Variants in TDRD9 observed in about 807,000 individuals in gnomAD.
TDRD9 encodes the protein tudor domain containing 9.
A neutral mutation model predicts 172.6 loss-of-function variants in TDRD9; 124 were observed. The ratio of observed to expected loss-of-function variants is 0.72; its 90% CI spans 0.62 to 0.83. TDRD9 has a LOEUF of 0.83. Among genes scored for constraint, TDRD9 ranks in the 40% least tolerant of loss-of-function variants. TDRD9 has a pLI of 0.00. For missense variants in TDRD9, 1,479 were observed against 1,714.1 expected (o/e 0.86, Z 2.42); for synonymous variants, 619 against 617.1 (o/e 1.00, Z -0.05).
chr14:103,938,440 ATT>A (rs71126087), intron 1 of TDRD9, among the ~76,000 whole-genome samples: 24 of 44,540 alleles, frequency 5.4e-4, no homozygotes, highest in African/African-American at 2.0e-3. Flanking sequence ...ATATATATAT[ATT>A]TTTTTTTTTT....
At chr14:103,938,436 A>T (rs377303422) in intron 1 of TDRD9, among the ~76,000 whole-genome samples, 12,195 of 39,622 alleles carry the variant, frequency 0.31, 1,842 homozygotes, top group East Asian at 0.32. Context: ...ATATATATAT[A>T]TATATTTTTT....
intron 34 of TDRD9, among the ~76,000 whole-genome samples, chr14:104,042,454 A>G (rs2035637693): frequency 6.6e-6 from 1 of 152,062 alleles, no homozygotes; most frequent in African/African-American, 2.4e-5. Context: ...GTCACCCACC[A>G]TTCCTAGTGG....
intron 22 of TDRD9, 109 bp from the exon 23 acceptor site, chr14:104,017,983 A>G (rs2034841671): frequency 1.5e-6 from 1 of 675,780 alleles, no homozygotes; most frequent in South Asian, 1.8e-5. Flanking sequence ...AAGATAGTAA[A>G]CTATGTTTTT....
intron 6 of TDRD9, among the ~76,000 whole-genome samples, chr14:103,972,351 C>T (rs1040230457): frequency 2.6e-5 from 4 of 152,036 alleles, no homozygotes; most frequent in African/African-American, 9.7e-5. Flanking sequence ...AATGAATCTG[C>T]AGTCCCTGTG....
chr14:103,976,319 G>A (rs1156630874), intron 7 of TDRD9, among the ~76,000 whole-genome samples: 1 of 151,050 alleles, frequency 6.6e-6, no homozygotes, highest in African/African-American at 2.4e-5. Context: ...TGTTGCCTAG[G>A]CTGGAGTGCA....
rs1596002261 is a variant in TDRD9, at chr14:104,025,735, T to G, written c.2890T>G (p.Phe964Val). Reference protein sequence around the residue: ...PFADFDKQRYFRAQVLYVSGN... With the variant: ...PFADFDKQRYVRAQVLYVSGN... The stretch of plus-strand genomic sequence containing the variant: ...TGCTGATTTTGATAAACAACGCTAC[T>G]TTAGAGCTCAAGTCCTTTATGTTTC... The change falls in exon 26 of 36, where the codon TTT becomes GTT. Residue 964 changes from phenylalanine to valine, a missense_variant. Phe to Val is a conservative substitution (Grantham distance 50). Coordinates refer to ENST00000409874, the MANE Select transcript of TDRD9 (RefSeq NM_153046.3). The G allele has an allele frequency of 2.5e-6, 4 of 1,614,038 alleles. No individual in the cohort carries two copies. In the Admixed American group the frequency reaches 6.7e-5, roughly 27 times the overall value.
Position 104,032,726 on chromosome 14 carries a change from A to G in TDRD9, c.3509+639A>G, listed in dbSNP as rs578223053. On this transcript the variant is annotated intron_variant, in intron 30 of 35. Coordinates refer to ENST00000409874, the MANE Select transcript of TDRD9 (RefSeq NM_153046.3). ...TGGTTTGGGGCAAACTGTAGTGAAC[A>G]AGAAACAGTTGTTTGTCTTCATGAA... Among the ~76,000 whole-genome samples, 25 of 152,366 alleles carry G rather than the reference A, an allele frequency of 1.6e-4. No homozygotes were observed. In the South Asian group the frequency reaches 5.0e-3, roughly 30 times the overall value.
chr14:103,934,512 C>G (rs930431663), intron 1 of TDRD9, among the ~76,000 whole-genome samples: 6 of 152,192 alleles, frequency 3.9e-5, no homozygotes, highest in Admixed American at 2.6e-4. Flanking sequence ...AGCACGGTGG[C>G]TCATGCCTGT....
intron 28 of TDRD9, 151 bp from the exon 29 acceptor site, chr14:104,030,957 A>C (rs1596009387): frequency 1.4e-6 from 1 of 700,110 alleles, no homozygotes; most frequent in East Asian, 3.0e-5. Flanking sequence ...GTGCACATGT[A>C]CCCTAAAACT....
At chr14:103,961,849 G>A (rs928373052) in intron 2 of TDRD9, among the ~76,000 whole-genome samples, 1 of 152,114 alleles carries the variant, frequency 6.6e-6, no homozygotes, top group Non-Finnish European at 1.5e-5. Flanking sequence ...GAAAACAAGA[G>A]AGAAGCCTGG....
At chr14:103,935,638 G>A (rs186627134) in intron 1 of TDRD9, among the ~76,000 whole-genome samples, 20 of 152,276 alleles carry the variant, frequency 1.3e-4, no homozygotes, top group African/African-American at 4.6e-4. Flanking sequence ...CCCTTAACTA[G>A]GATGTATCCT....
At chr14:103,931,423 T>C (rs1352257101) in intron 1 of TDRD9, among the ~76,000 whole-genome samples, 2 of 152,196 alleles carry the variant, frequency 1.3e-5, no homozygotes, top group Non-Finnish European at 2.9e-5. Flanking sequence ...TTTGATGAAA[T>C]TCTTCTGGAA....
At chr14:103,991,045 A>C in intron 8 of TDRD9, 115 bp from the exon 9 acceptor site, 1 of 1,209,606 alleles carries the variant, frequency 8.3e-7, no homozygotes, top group Non-Finnish European at 1.2e-6. Context: ...GGAACATTAC[A>C]TTGGATGACC....
chr14:104,048,639 A>C (rs560595638), intron 34 of TDRD9, among the ~76,000 whole-genome samples: 1 of 152,146 alleles, frequency 6.6e-6, no homozygotes, highest in Non-Finnish European at 1.5e-5. Context: ...AGGGCTTCCC[A>C]GGTTTTTCCC....
intron 24 of TDRD9, among the ~76,000 whole-genome samples, chr14:104,024,114 G>A (rs1051748798): frequency 3.3e-5 from 5 of 152,126 alleles, no homozygotes; most frequent in Non-Finnish European, 7.4e-5. Flanking sequence ...GGGTTTATTG[G>A]AAAGTCATGT....
chr14:103,957,001 C>T (rs1447180702), intron 2 of TDRD9, among the ~76,000 whole-genome samples: 3 of 152,180 alleles, frequency 2.0e-5, no homozygotes, highest in African/African-American at 4.8e-5. Flanking sequence ...AATGTGGGTT[C>T]AAGTAACACT....
intron 12 of TDRD9, among the ~76,000 whole-genome samples, chr14:103,996,074 G>C (rs1595962205): frequency 1.3e-5 from 2 of 152,130 alleles, no homozygotes; most frequent in East Asian, 3.9e-4. Flanking sequence ...AAACAGCTTC[G>C]GGGCTGCCAG....
chr14:103,947,680 A>G (rs2031643844), intron 1 of TDRD9, among the ~76,000 whole-genome samples: 1 of 152,232 alleles, frequency 6.6e-6, no homozygotes, highest in Non-Finnish European at 1.5e-5. Context: ...CACAGGCAAA[A>G]AAATGAAATT....
chr14:104,026,644 A>G, intron 27 of TDRD9, 35 bp from the exon 28 acceptor site: 1 of 1,603,748 alleles, frequency 6.2e-7, no homozygotes. Context: ...GCTTATTTAT[A>G]AAGCTGTTTG....
Sources: allele counts gnomAD v4.1 joint callset (sites outside exome capture counted in the v4.1 genomes callset), GRCh38; gene constraint gnomAD v4.1.1; transcripts MANE v1.5; gene names NCBI Gene and HGNC (gene_info 2026-07-23, HGNC 2026-07-21).